Variants in CACNA1D observed in about 807,000 individuals in gnomAD.
CACNA1D encodes calcium voltage-gated channel subunit alpha1 D.
CACNA1D carries 55 observed loss-of-function variants against 257.1 expected under a neutral mutation model. The ratio of observed to expected loss-of-function variants is 0.21; its 90% confidence interval spans 0.17 to 0.27. The LOEUF (loss-of-function observed/expected upper bound fraction) is 0.27, where lower values mean the gene tolerates loss of function less well. Among genes scored for constraint, CACNA1D ranks in the 10% least tolerant of loss-of-function variants. The pLI, the probability that CACNA1D is intolerant of heterozygous loss-of-function variation, is 1.00. For synonymous variants in CACNA1D, 980 were observed against 1,014.9 expected (o/e 0.97, Z 0.65); for missense variants, 1,876 against 2,784.0 (o/e 0.67, Z 7.34).
rs979092889 is a variant in CACNA1D at position 53,735,629 on chromosome 3, G to A, written c.2751+126G>A. 5.7e-6 allele frequency: 6 copies of A among 1,051,170 alleles called. No homozygotes were observed. The South Asian group carries it at 6.8e-5, about 12-fold the overall frequency. 65.1% of individuals were successfully genotyped at this position (1,051,170 alleles called of 1,614,324 possible). A position where few individuals can be genotyped will look rare whatever the true frequency, so the allele number is the denominator to read the frequency against. ...TAGAGTAGGTCTTTCCTTCAGCTGG[G>A]GACGTTGGCTGTTTCCGGTTTGTAA... On this transcript the variant is annotated intron_variant, in intron 20 of 47. Coordinates refer to ENST00000350061, the MANE Select transcript of CACNA1D (RefSeq NM_001128840.3).
intron 3 of CACNA1D, among the ~76,000 whole-genome samples, chr3:53,508,931 C>T (rs1321749849): frequency 6.6e-6 from 1 of 152,050 alleles, no homozygotes; most frequent in East Asian, 1.9e-4. Context: ...GACAGATGTG[C>T]AGAAGGGAGG....
At chr3:53,779,032 C>T (rs763461982) in intron 37 of CACNA1D, among the ~76,000 whole-genome samples, 9 of 152,170 alleles carry the variant, frequency 5.9e-5, no homozygotes, top group Non-Finnish European at 8.8e-5. Context: ...GGCACGGTGG[C>T]TCACACCTGT....
intron 3 of CACNA1D, among the ~76,000 whole-genome samples, chr3:53,575,437 A>G (rs954198650): frequency 1.3e-5 from 2 of 152,190 alleles, no homozygotes; most frequent in Non-Finnish European, 2.9e-5. Context: ...AGCAGTAGAT[A>G]GGAACTGGAT....
At chr3:53,521,541 G>T (rs770187609) in intron 3 of CACNA1D, among the ~76,000 whole-genome samples, 15 of 152,184 alleles carry the variant, frequency 9.9e-5, no homozygotes, top group Non-Finnish European at 1.8e-4. Flanking sequence ...ACCAGGACTG[G>T]AGTATAAGTC....
intron 39 of CACNA1D, 37 bp from the exon 40 acceptor site, chr3:53,786,785 C>G (rs2095455960): frequency 7.4e-7 from 1 of 1,354,432 alleles, no homozygotes; most frequent in Non-Finnish European, 9.8e-7. Context: ...GTCTAATGTG[C>G]TGATTCGGGA....
intron 3 of CACNA1D, among the ~76,000 whole-genome samples, chr3:53,540,285 A>ATT (rs111314846): frequency 2.8e-5 from 4 of 140,920 alleles, no homozygotes; most frequent in Admixed American, 7.1e-5. Context: ...TGCCCGGCTA[A>ATT]TTTTTTTTTT....
chr3:53,567,740 A>G (rs1284835221), intron 3 of CACNA1D, among the ~76,000 whole-genome samples: 6 of 152,258 alleles, frequency 3.9e-5, no homozygotes, highest in Non-Finnish European at 5.9e-5. Flanking sequence ...TATTGCAATG[A>G]ACAGCTTAAT....
At position 53,639,859 on chromosome 3, in the gene CACNA1D, CTTTTTTTT is replaced by C. The variant is rs34925431; in HGVS notation, c.484-10905_484-10898del. On this transcript the variant is annotated intron_variant, in intron 3 of 47. Transcript: ENST00000350061. ...TTTTGAAATGTTCACTCATTTCTTA[CTTTTTTTT>C]TTTTTTTTTTTTTTGACACAGAGTC... Among the ~76,000 whole-genome samples, 4 of 102,076 alleles carry C rather than the reference CTTTTTTTT, an allele frequency of 3.9e-5. No individual in the cohort carries two copies. The South Asian group carries it at 1.1e-3, about 28-fold the overall frequency. 67.0% of individuals were successfully genotyped at this position (102,076 alleles called of 152,430 possible). A position where few individuals can be genotyped will look rare whatever the true frequency, so the allele number is the denominator to read the frequency against.
chr3:53,682,688 T>A (rs2094444057), intron 8 of CACNA1D, among the ~76,000 whole-genome samples: 1 of 152,188 alleles, frequency 6.6e-6, no homozygotes, highest in Non-Finnish European at 1.5e-5. Flanking sequence ...TAATAAAATG[T>A]TGGGAAAATC....
chr3:53,571,874 C>G (rs1251040523), intron 3 of CACNA1D, among the ~76,000 whole-genome samples: 3 of 152,166 alleles, frequency 2.0e-5, no homozygotes, highest in Non-Finnish European at 4.4e-5. Flanking sequence ...CAAACCAGAA[C>G]CAGGACCAGG....
intron 8 of CACNA1D, among the ~76,000 whole-genome samples, chr3:53,684,475 TAGCTG>T (rs1416294440): frequency 1.3e-5 from 2 of 151,898 alleles, no homozygotes; most frequent in Non-Finnish European, 2.9e-5. Flanking sequence ...TACAAAAAAT[TAGCTG>T]AGAGTGGTGG....
intron 3 of CACNA1D, among the ~76,000 whole-genome samples, chr3:53,647,722 A>G (rs1458952384): frequency 2.0e-5 from 3 of 152,206 alleles, no homozygotes; most frequent in Non-Finnish European, 4.4e-5. Flanking sequence ...CATTTGTTGA[A>G]TGTGGAGGGA....
At position 53,559,291 on chromosome 3, in the gene CACNA1D, T is replaced by A. The variant is rs371926986; in HGVS notation, c.483+57571T>A. On this transcript the variant is annotated intron_variant, in intron 3 of 47. Transcript: ENST00000350061. ...GGTTAAAATAGGTACTTTAAATTATTTGTTTGATAATTCTGGTATCTATGC... is the reference window on the plus strand; with the variant it reads ...GGTTAAAATAGGTACTTTAAATTATATGTTTGATAATTCTGGTATCTATGC... 4.6e-5 allele frequency among the ~76,000 whole-genome samples: 7 copies of A among 152,326 alleles called. No homozygotes were observed. The East Asian group carries it at 5.8e-4, about 13-fold the overall frequency.
In CACNA1D at chr3:53,719,637, CA is replaced by C; in HGVS notation, c.1479-117del. ...GCCCCTGCTGGCCTGCTGTGGTAACCAGGGGTGCTAAGTCCAGGCTGTATGC... is the reference window on the plus strand; with the variant it reads ...GCCCCTGCTGGCCTGCTGTGGTAACCGGGGTGCTAAGTCCAGGCTGTATGC... On this transcript the variant is annotated intron_variant, in intron 10 of 47. Coordinates refer to ENST00000350061, the MANE Select transcript of CACNA1D (RefSeq NM_001128840.3). The C allele has an allele frequency of 3.3e-6, 3 of 917,910 alleles. No individual in the cohort carries two copies. In the Admixed American group the frequency reaches 5.1e-5, roughly 16 times the overall value. 56.9% of individuals were successfully genotyped at this position (917,910 alleles called of 1,614,324 possible). A position where few individuals can be genotyped will look rare whatever the true frequency, so the allele number is the denominator to read the frequency against.
intron 3 of CACNA1D, among the ~76,000 whole-genome samples, chr3:53,606,279 A>G (rs1395961761): frequency 6.6e-6 from 1 of 152,236 alleles, no homozygotes; most frequent in African/African-American, 2.4e-5. Context: ...CCCTTGAGCC[A>G]AAGTACAGAA....
intron 3 of CACNA1D, among the ~76,000 whole-genome samples, chr3:53,638,349 G>A (rs554633813): frequency 1.3e-5 from 2 of 152,362 alleles, no homozygotes; most frequent in East Asian, 3.9e-4. Flanking sequence ...CCTCCGGGAA[G>A]AATTGTGCAC....
At position 53,751,638 on chromosome 3, in the gene CACNA1D, C is replaced by A; in HGVS notation, c.3517-111C>A. The A allele has an allele frequency of 9.3e-7, 1 of 1,076,026 alleles. No individual in the cohort carries two copies. Among genetic ancestry groups the A allele is most frequent in the Non-Finnish European group, 1.4e-6 (1 of 693,638 alleles). The allele number at this position is 1,076,026 out of a possible 1,614,324, so 66.7% of individuals were successfully genotyped here. A position where few individuals can be genotyped will look rare whatever the true frequency, so the allele number is the denominator to read the frequency against. On this transcript the variant is annotated intron_variant, in intron 27 of 47. Transcript: ENST00000350061. The surrounding 1 kb of genome is among the most constrained non-coding windows in gnomAD (Gnocchi z 4.3). ...TCGTAATCATTTTCACCATCGTCCA[C>A]GGCCCCTTCCCGGGAGCTGTAGGGT...
rs149123744 is a variant in CACNA1D, at chr3:53,719,067, A to G, written c.1478+679A>G. 2.2e-3 allele frequency among the ~76,000 whole-genome samples: 340 copies of G among 152,162 alleles called. 1 individual carries two copies. The highest frequency in any genetic ancestry group is 7.8e-3 in the African/African-American group (325 of 41,486). The stretch of plus-strand genomic sequence containing the variant: ...ACCAGCAGTGCAGAATGTGCTGGGC[A>G]CTGTCTGCCGTGGGGGAGCCCTGTG... On this transcript the variant is annotated intron_variant, in intron 10 of 47. Transcript: ENST00000350061.
chr3:53,602,915 T>C (rs1022036638), intron 3 of CACNA1D, among the ~76,000 whole-genome samples: 1 of 152,276 alleles, frequency 6.6e-6, no homozygotes, highest in Non-Finnish European at 1.5e-5. Flanking sequence ...TTCACTTTGT[T>C]GACTGTTTCC....
Sources: allele counts gnomAD v4.1 joint callset (sites outside exome capture counted in the v4.1 genomes callset), GRCh38; gene constraint gnomAD v4.1.1; non-coding constraint Gnocchi (gnomAD v3.1); transcripts MANE v1.5; gene names NCBI Gene and HGNC (gene_info 2026-07-23, HGNC 2026-07-21).